The following SYT1 variants were observed in gnomAD, a reference collection of about 807,000 sequenced individuals.
SYT1 encodes the protein synaptotagmin 1.
Under a neutral mutation model 44.8 loss-of-function variants are expected in SYT1, and 8 were observed. The observed-to-expected ratio is 0.18, with a 90% confidence interval of 0.10 to 0.32. The LOEUF (loss-of-function observed/expected upper bound fraction) is 0.32, where lower values mean the gene tolerates loss of function less well. SYT1 is among the 10% of genes least tolerant of loss of function. The pLI, the probability that SYT1 is intolerant of heterozygous loss-of-function variation, is 1.00. For synonymous variants in SYT1, 154 were observed against 188.8 expected, an observed-to-expected ratio of 0.82 and a Z score of 1.51; for missense variants, 286 against 509.3, an observed-to-expected ratio of 0.56 and a Z score of 4.22.
intron 3 of SYT1, among the ~76,000 whole-genome samples, chr12:79,064,798 AAC>A (rs375218157): frequency 8.7e-5 from 13 of 148,856 alleles, no homozygotes; most frequent in East Asian, 2.0e-4. Context: ...CTGCACCCCA[AAC>A]ACACACACAC....
At chr12:79,092,018 G>A (rs1265514431) in intron 3 of SYT1, among the ~76,000 whole-genome samples, 2 of 151,866 alleles carry the variant, frequency 1.3e-5, no homozygotes, top group Non-Finnish European at 2.9e-5. Context: ...TTGAGGCTGG[G>A]AAGCCAATCC....
intron 1 of SYT1, among the ~76,000 whole-genome samples, chr12:78,923,064 G>A (rs1444780367): frequency 1.3e-5 from 2 of 151,906 alleles, no homozygotes; most frequent in Non-Finnish European, 2.9e-5. Context: ...AATGTAAGGA[G>A]CACCCCTTTT....
intron 3 of SYT1, among the ~76,000 whole-genome samples, chr12:79,116,337 T>C (rs1362937357): frequency 2.0e-5 from 3 of 152,136 alleles, no homozygotes; most frequent in Non-Finnish European, 4.4e-5. Flanking sequence ...TAGTGTTCAG[T>C]AGGAGAAGTG....
At chr12:79,195,869 C>T (rs757688484) in intron 3 of SYT1, among the ~76,000 whole-genome samples, 1 of 152,154 alleles carries the variant, frequency 6.6e-6, no homozygotes, top group Non-Finnish European at 1.5e-5. Context: ...GTTAAAACTA[C>T]ATGTCGCATT....
intron 1 of SYT1, among the ~76,000 whole-genome samples, chr12:78,939,081 T>G (rs1160819786): frequency 1.3e-5 from 2 of 152,172 alleles, no homozygotes; most frequent in East Asian, 3.8e-4. Flanking sequence ...TTAAGATCTG[T>G]GGTATTGCCC....
chr12:79,303,668 T>C (rs893907608), intron 8 of SYT1, among the ~76,000 whole-genome samples: 10 of 152,132 alleles, frequency 6.6e-5, no homozygotes, highest in African/African-American at 2.4e-4. Context: ...TAATGGAAAA[T>C]CAATTTTGCA....
intron 4 of SYT1, among the ~76,000 whole-genome samples, chr12:79,260,534 G>A (rs1472719634): frequency 6.6e-6 from 1 of 152,160 alleles, no homozygotes; most frequent in Non-Finnish European, 1.5e-5. Flanking sequence ...TTGTGTTCTA[G>A]TATCACTGTC....
intron 2 of SYT1, among the ~76,000 whole-genome samples, chr12:79,013,690 G>C (rs1871578262): frequency 6.6e-6 from 1 of 152,116 alleles, no homozygotes; most frequent in Admixed American, 6.5e-5. Context: ...ACATCAGATA[G>C]GTTCTTCATT....
At chr12:78,919,604 G>T (rs1437816069) in intron 1 of SYT1, among the ~76,000 whole-genome samples, 1 of 152,130 alleles carries the variant, frequency 6.6e-6, no homozygotes, top group East Asian at 1.9e-4. Flanking sequence ...GGCATATGCC[G>T]ATGTCTGAGC....
chr12:79,007,432 AT>A (rs1871165237), intron 2 of SYT1, among the ~76,000 whole-genome samples: 1 of 152,040 alleles, frequency 6.6e-6, no homozygotes, highest in Non-Finnish European at 1.5e-5. Flanking sequence ...TGATTATTGT[AT>A]TTTTTTGTAG....
chr12:79,432,190 TAA>T (rs1164909626), intron 9 of SYT1, among the ~76,000 whole-genome samples: 2 of 151,922 alleles, frequency 1.3e-5, no homozygotes, highest in Non-Finnish European at 2.9e-5. Context: ...TTATAGATCT[TAA>T]AAAAATTGTC....
At chr12:79,338,889 A>G (rs1221057154) in intron 8 of SYT1, among the ~76,000 whole-genome samples, 1 of 151,928 alleles carries the variant, frequency 6.6e-6, no homozygotes, top group Non-Finnish European at 1.5e-5. Flanking sequence ...TCATTGTTCA[A>G]TTCCCACCTA....
At chr12:78,918,718 T>C (rs1230394085) in intron 1 of SYT1, among the ~76,000 whole-genome samples, 1 of 152,004 alleles carries the variant, frequency 6.6e-6, no homozygotes, top group Admixed American at 6.6e-5. Context: ...TATAAAACAT[T>C]CCTCGTAGAG....
rs148180033 is a variant in SYT1 at position 79,388,408 on chromosome 12, T to C, written c.928+34789T>C. Among the ~76,000 whole-genome samples the C allele has an allele frequency of 6.2e-3, 938 of 152,234 alleles. 12 individuals carry two copies. Among genetic ancestry groups the C allele is most frequent in the African/African-American group, 0.022 (907 of 41,532 alleles). ...TTTGAAAAAGTGTTTTCAAATAAAA[T>C]ACTTGGCCAGTCACAGTGGCTCACA... On this transcript the variant is annotated intron_variant, in intron 9 of 10. Transcript: ENST00000261205.
At chr12:79,056,355 G>GT (rs1173984822) in intron 3 of SYT1, among the ~76,000 whole-genome samples, 2 of 152,014 alleles carry the variant, frequency 1.3e-5, no homozygotes, top group East Asian at 1.9e-4. Flanking sequence ...TCCATCAGGA[G>GT]CCCTCTCCTT....
intron 3 of SYT1, among the ~76,000 whole-genome samples, chr12:79,181,262 T>TA (rs1872525326): frequency 6.6e-6 from 1 of 152,106 alleles, no homozygotes. Context: ...GTTCAAATGA[T>TA]ATCAGTATTT....
intron 8 of SYT1, among the ~76,000 whole-genome samples, chr12:79,305,963 C>T (rs1880375213): frequency 6.6e-6 from 1 of 152,196 alleles, no homozygotes; most frequent in African/African-American, 2.4e-5. Flanking sequence ...TCCCAAAGTG[C>T]TGGGATTACA....
intron 9 of SYT1, among the ~76,000 whole-genome samples, chr12:79,383,361 A>G (rs1439647473): frequency 6.6e-6 from 1 of 152,230 alleles, no homozygotes; most frequent in Non-Finnish European, 1.5e-5. Context: ...ATAATCTTAC[A>G]GGACCACCAT....
chr12:78,870,877 A>G (rs907576130), intron 1 of SYT1, among the ~76,000 whole-genome samples: 1 of 152,070 alleles, frequency 6.6e-6, no homozygotes, highest in African/African-American at 2.4e-5. Flanking sequence ...AGGCAAAAGG[A>G]CATGAATACT....
Sources: gnomAD v4.1 joint callset for allele counts (sites outside exome capture counted in the v4.1 genomes callset) on GRCh38, gnomAD v4.1.1 for gene constraint, MANE v1.5 for transcripts, NCBI Gene and HGNC (gene_info 2026-07-23, HGNC 2026-07-21) for gene names.